Variants in CHRNA7 observed in about 807,000 individuals in gnomAD.
CHRNA7 encodes the protein neuronal acetylcholine receptor subunit alpha-7.
In CHRNA7, 17 loss-of-function variants were observed where a neutral mutation model predicts 48.0. That is an observed-to-expected ratio of 0.35 (90% CI 0.24 to 0.53). The LOEUF (loss-of-function observed/expected upper bound fraction) is 0.53, where lower values mean the gene tolerates loss of function less well. Ranked by LOEUF, CHRNA7 falls within the 20% of genes least tolerant of loss-of-function variation. The probability of loss-of-function intolerance (pLI) is 0.92; values close to 1 mark genes in which losing one functional copy is unlikely to be tolerated. For synonymous variants in CHRNA7, 75 were observed against 242.3 expected, an observed-to-expected ratio of 0.31 and a Z score of 6.41; for missense variants, 155 against 577.7, an observed-to-expected ratio of 0.27 and a Z score of 7.50.
intron 4 of CHRNA7, among the ~76,000 whole-genome samples, chr15:32,140,867 A>G (rs2141337698): frequency 6.6e-6 from 1 of 152,252 alleles, no homozygotes; most frequent in South Asian, 2.1e-4. Context: ...CCCATTCTCT[A>G]GGTTGCCTGT....
At chr15:32,146,853 A>G (rs932242905) in intron 4 of CHRNA7, among the ~76,000 whole-genome samples, 1 of 152,238 alleles carries the variant, frequency 6.6e-6, no homozygotes, top group Admixed American at 6.5e-5. Context: ...TAAAATTTAC[A>G]ATGATGAGCA....
At chr15:32,109,041 T>C (rs1477421489) in intron 3 of CHRNA7, among the ~76,000 whole-genome samples, 1 of 152,152 alleles carries the variant, frequency 6.6e-6, no homozygotes, top group African/African-American at 2.4e-5. Context: ...AGAGGGTTCT[T>C]GGATCTAGTG....
At chr15:32,095,316 C>T (rs1353765420) in intron 2 of CHRNA7, among the ~76,000 whole-genome samples, 1 of 152,164 alleles carries the variant, frequency 6.6e-6, no homozygotes, top group African/African-American at 2.4e-5. Flanking sequence ...CGTTGCTCTC[C>T]TTAACGTTAT....
chr15:32,077,065 A>G (rs2050146296), intron 2 of CHRNA7, among the ~76,000 whole-genome samples: 1 of 151,980 alleles, frequency 6.6e-6, no homozygotes, highest in Non-Finnish European at 1.5e-5. Flanking sequence ...GCCTTTTCAG[A>G]TTTGACTTCT....
chr15:32,045,885 T>C (rs1353981026), intron 2 of CHRNA7, among the ~76,000 whole-genome samples: 1 of 147,270 alleles, frequency 6.8e-6, no homozygotes, highest in Non-Finnish European at 1.5e-5. Flanking sequence ...GTTCTCATTG[T>C]TCAATTCCCA....
intron 4 of CHRNA7, among the ~76,000 whole-genome samples, chr15:32,119,139 T>G (rs1275908209): frequency 6.6e-6 from 1 of 152,194 alleles, no homozygotes; most frequent in South Asian, 2.1e-4. Flanking sequence ...CAACTCTAAC[T>G]TCTAGAAAAC....
intron 4 of CHRNA7, among the ~76,000 whole-genome samples, chr15:32,120,352 T>G (rs2050946966): frequency 6.6e-6 from 1 of 152,182 alleles, no homozygotes; most frequent in Non-Finnish European, 1.5e-5. Context: ...TCTGGGCTGC[T>G]CTGCCAGGCT....
intron 3 of CHRNA7, among the ~76,000 whole-genome samples, chr15:32,103,421 A>AAAG (rs2050607172): frequency 6.6e-6 from 1 of 151,300 alleles, no homozygotes; most frequent in South Asian, 2.1e-4. Context: ...AGAAAAAAAA[A>AAAG]AAAAAGAAAG....
At chr15:32,147,141 A>C (rs2051505632) in intron 4 of CHRNA7, among the ~76,000 whole-genome samples, 1 of 152,208 alleles carries the variant, frequency 6.6e-6, no homozygotes, top group Admixed American at 6.5e-5. Flanking sequence ...TGTTACATTC[A>C]ATTTAATATG....
chr15:32,109,649 A>G (rs977688375), intron 3 of CHRNA7, among the ~76,000 whole-genome samples: 1 of 152,324 alleles, frequency 6.6e-6, no homozygotes, highest in African/African-American at 2.4e-5. Flanking sequence ...TTAAAGTCAA[A>G]TAACACAGGT....
chr15:32,078,874 C>G (rs2050174084), intron 2 of CHRNA7, among the ~76,000 whole-genome samples: 1 of 152,122 alleles, frequency 6.6e-6, no homozygotes. Flanking sequence ...GCCAATATCC[C>G]TGATGAACTT....
chr15:32,101,532 C>T (rs1295548054), intron 3 of CHRNA7, 185 bp downstream of exon 3: 1 of 640,036 alleles, frequency 1.6e-6, no homozygotes, highest in Non-Finnish European at 2.8e-6. Flanking sequence ...CTGTATGACA[C>T]TACAGTCTGC....
At chr15:32,137,345 C>G (rs1304605540) in intron 4 of CHRNA7, among the ~76,000 whole-genome samples, 2 of 147,510 alleles carry the variant, frequency 1.4e-5, no homozygotes, top group Non-Finnish European at 3.0e-5. Flanking sequence ...ACCCCCCCCC[C>G]ACACAAACAC....
At chr15:32,148,880 C>T (rs200707885) in intron 4 of CHRNA7, among the ~76,000 whole-genome samples, 27 of 152,348 alleles carry the variant, frequency 1.8e-4, no homozygotes, top group South Asian at 4.1e-4. Flanking sequence ...TGTCCACATC[C>T]GTTTCCGTCT....
At chr15:32,069,970 TC>T (rs554374674) in intron 2 of CHRNA7, among the ~76,000 whole-genome samples, 3 of 152,230 alleles carry the variant, frequency 2.0e-5, no homozygotes, top group Non-Finnish European at 4.4e-5. Flanking sequence ...TATCTGATTT[TC>T]CCCCCGCCCA....
chr15:32,128,436 A>T (rs977959310), intron 4 of CHRNA7, among the ~76,000 whole-genome samples: 1 of 151,674 alleles, frequency 6.6e-6, no homozygotes, highest in African/African-American at 2.4e-5. Context: ...TCTTATTTCA[A>T]TCTTCTATGA....
chr15:32,064,263 C>T (rs1397757928), intron 2 of CHRNA7, among the ~76,000 whole-genome samples: 1 of 145,314 alleles, frequency 6.9e-6, no homozygotes, highest in East Asian at 1.9e-4. Context: ...TTCCCTTCCC[C>T]TTCTTCTTTC....
chr15:32,041,399 C>T (rs1208776555), intron 2 of CHRNA7, among the ~76,000 whole-genome samples: 3 of 152,300 alleles, frequency 2.0e-5, no homozygotes, highest in East Asian at 3.9e-4. Context: ...TCATAAGGAG[C>T]GTGCAACCTA....
intron 2 of CHRNA7, among the ~76,000 whole-genome samples, chr15:32,070,976 C>T (rs367868637): frequency 1.6e-4 from 24 of 152,014 alleles, no homozygotes; most frequent in Admixed American, 3.9e-4. Flanking sequence ...CATGAGCCAC[C>T]GTGCCTGGCC....
Sources: allele counts gnomAD v4.1 joint callset (sites outside exome capture counted in the v4.1 genomes callset), GRCh38; gene constraint gnomAD v4.1.1; transcripts MANE v1.5; gene names NCBI Gene and HGNC (gene_info 2026-07-23, HGNC 2026-07-21).